Variants in NCAPD3 observed in about 807,000 individuals in gnomAD.
NCAPD3 encodes the protein condensin-2 complex subunit D3.
In NCAPD3, 105 loss-of-function variants were observed where a neutral mutation model predicts 182.9. The observed-to-expected ratio is 0.57, with a 90% CI of 0.49 to 0.68. NCAPD3 has a LOEUF of 0.68. Ranked by LOEUF, NCAPD3 falls within the 30% of genes least tolerant of loss-of-function variation. The pLI, the probability that NCAPD3 is intolerant of heterozygous loss-of-function variation, is 0.00. For synonymous variants in NCAPD3, 815 were observed against 679.9 expected (o/e 1.20, Z -3.09); for missense variants, 1,944 against 1,837.0 (o/e 1.06, Z -1.07).
At chr11:134,160,705 C>G (rs989566891) in intron 28 of NCAPD3, among the ~76,000 whole-genome samples, 14 of 152,238 alleles carry the variant, frequency 9.2e-5, no homozygotes, top group Middle Eastern at 3.4e-3. Flanking sequence ...TTCCACCTAA[C>G]AGTAATAGGG....
At chr11:134,155,848 G>A (rs767868538) in intron 32 of NCAPD3, among the ~76,000 whole-genome samples, 1 of 150,966 alleles carries the variant, frequency 6.6e-6, no homozygotes, top group Non-Finnish European at 1.5e-5. Context: ...GTCATGATTC[G>A]GTTGTCGTCT....
chr11:134,169,191 C>G (rs185086106), intron 24 of NCAPD3, 137 bp from the exon 25 acceptor site: 12 of 785,142 alleles, frequency 1.5e-5, no homozygotes, highest in Admixed American at 7.4e-5. Flanking sequence ...ATAAACAGTT[C>G]CCTCGGATCC....
rs751113688 is a variant in NCAPD3 at position 134,157,102 on chromosome 11, C to T, written c.4175-7G>A. On this transcript the variant is annotated splice_polypyrimidine_tract_variant and splice_region_variant and intron_variant, in intron 31 of 34. Transcript: ENST00000534548. The stretch of plus-strand genomic sequence containing the variant: ...TCCAAACTGTATGAAGACACTAGAA[C>T]AGAAAAGGTGCTGCTATCCAGAAAT... 3 of 1,608,806 alleles carry T rather than the reference C, an allele frequency of 1.9e-6. No individual in the cohort carries two copies. Among genetic ancestry groups the T allele is most frequent in the Admixed American group, 1.7e-5 (1 of 59,408 alleles).
At chr11:134,176,170 C>A (rs1944158756) in intron 24 of NCAPD3, 137 bp downstream of exon 24, 4 of 662,350 alleles carry the variant, frequency 6.0e-6, no homozygotes, top group Non-Finnish European at 1.0e-5. Context: ...TCTTAAAAAT[C>A]TGCTAATTTT....
intron 17 of NCAPD3, 55 bp downstream of exon 17, chr11:134,185,280 G>C: frequency 6.9e-7 from 1 of 1,452,472 alleles, no homozygotes; most frequent in East Asian, 2.4e-5. Context: ...TAAGTCTTGG[G>C]CTTTGTTTCT....
intron 16 of NCAPD3, among the ~76,000 whole-genome samples, 178 bp downstream of exon 16, chr11:134,192,511 G>A (rs192995897): frequency 2.8e-4 from 42 of 152,324 alleles, no homozygotes; most frequent in African/African-American, 9.9e-4. Context: ...AAACATACAG[G>A]CGATAAAAAT....
chr11:134,219,172 A>G (rs1938135762), intron 2 of NCAPD3, among the ~76,000 whole-genome samples: 1 of 152,040 alleles, frequency 6.6e-6, no homozygotes, highest in Non-Finnish European at 1.5e-5. Context: ...CTTCACTAGG[A>G]CTGCCTTACA....
At chr11:134,210,495 T>G (rs1937793908) in intron 3 of NCAPD3, 41 bp from the exon 4 acceptor site, 1 of 1,534,860 alleles carries the variant, frequency 6.5e-7, no homozygotes, top group Non-Finnish European at 9.0e-7. Flanking sequence ...TAGATTTAAT[T>G]GTCTTGAAAT....
intron 4 of NCAPD3, among the ~76,000 whole-genome samples, chr11:134,209,966 G>A (rs1438430878): frequency 6.6e-6 from 1 of 152,166 alleles, no homozygotes; most frequent in Non-Finnish European, 1.5e-5. Flanking sequence ...TGCAGCAGGA[G>A]AATCACTTGA....
intron 16 of NCAPD3, among the ~76,000 whole-genome samples, chr11:134,190,305 C>CT (rs1423159636): frequency 6.6e-6 from 1 of 152,196 alleles, no homozygotes; most frequent in Non-Finnish European, 1.5e-5. Flanking sequence ...ATCCTACATA[C>CT]TTTTTTATAT....
intron 27 of NCAPD3, among the ~76,000 whole-genome samples, chr11:134,163,239 AC>A (rs1943641341): frequency 6.6e-6 from 1 of 152,120 alleles, no homozygotes; most frequent in African/African-American, 2.4e-5. Flanking sequence ...TAATAAATTT[AC>A]CCATTTTAAA....
At chr11:134,159,154 T>C (rs1943509724) in intron 29 of NCAPD3, among the ~76,000 whole-genome samples, 1 of 152,234 alleles carries the variant, frequency 6.6e-6, no homozygotes, top group Non-Finnish European at 1.5e-5. Flanking sequence ...ACATCCTGAT[T>C]TCCTTTCTTT....
chr11:134,166,640 G>A (rs1264368339), intron 27 of NCAPD3, among the ~76,000 whole-genome samples: 1 of 65,648 alleles, frequency 1.5e-5, no homozygotes, highest in Non-Finnish European at 3.0e-5. Flanking sequence ...AGTGAGATGA[G>A]CTTGGGGGAG....
chr11:134,209,454 T>G lies in NCAPD3; in HGVS notation c.591A>C (p.Gln197His), dbSNP rs1319921058. The G allele has an allele frequency of 4.3e-6, 7 of 1,611,986 alleles. No homozygotes were observed. In the South Asian group the frequency reaches 7.7e-5, roughly 18 times the overall value. Reference protein sequence around the residue: ...DIEMDEIIEEQEDENICFSAR... With the variant: ...DIEMDEIIEEHEDENICFSAR... Reference sequence around the variant, plus strand: ...CAGAAAAACAAATATTCTCATCTTCTTGTTCTTCTATAATTTCATCCATCT... The same window carrying G: ...CAGAAAAACAAATATTCTCATCTTCGTGTTCTTCTATAATTTCATCCATCT... The change falls in exon 5 of 35, where the codon CAA becomes CAC. Residue 197 changes from glutamine to histidine, a missense_variant. Gln to His is a conservative substitution (Grantham distance 24). This residue lies in a region of NCAPD3 where 1,803 missense variants were observed against 1,674.6 expected (regional missense o/e 1.08). Coordinates refer to ENST00000534548, the MANE Select transcript of NCAPD3 (RefSeq NM_015261.3).
chr11:134,196,824 T>C (rs902920428), intron 13 of NCAPD3, among the ~76,000 whole-genome samples: 3 of 152,022 alleles, frequency 2.0e-5, no homozygotes, highest in Non-Finnish European at 4.4e-5. Context: ...TTTCAAAAAA[T>C]AGAAAAGAAT....
rs149441349 is a variant in NCAPD3, at chr11:134,168,299, G to T, written c.3374-104C>A. 8.5e-4 allele frequency: 1,213 copies of T among 1,423,176 alleles called. 15 individuals carry two copies. The East Asian group carries it at 0.023, about 27-fold the overall frequency. The allele number at this position is 1,423,176 out of a possible 1,614,324, so 88.2% of individuals were successfully genotyped here. A position where few individuals can be genotyped will look rare whatever the true frequency, so the allele number is the denominator to read the frequency against. On this transcript the variant is annotated intron_variant, in intron 26 of 34. Coordinates refer to ENST00000534548, the MANE Select transcript of NCAPD3 (RefSeq NM_015261.3). ...GGGGGGCCATCTGAGGCTGTCAGGGGGTCTGCAAGGGTGTTTTGTCTGGGG... is the reference window on the plus strand; with the variant it reads ...GGGGGGCCATCTGAGGCTGTCAGGGTGTCTGCAAGGGTGTTTTGTCTGGGG...
chr11:134,185,700 C>T (rs1426974894), intron 16 of NCAPD3, among the ~76,000 whole-genome samples, 174 bp from the exon 17 acceptor site: 1 of 152,070 alleles, frequency 6.6e-6, no homozygotes, highest in East Asian at 1.9e-4. Context: ...AACTAGGTAT[C>T]TTTTAAATTT....
intron 16 of NCAPD3, among the ~76,000 whole-genome samples, chr11:134,189,004 C>A (rs1157772480): frequency 6.6e-6 from 1 of 152,132 alleles, no homozygotes; most frequent in African/African-American, 2.4e-5. Flanking sequence ...TTCTGTTGTT[C>A]AAGCCACCTA....
At chr11:134,169,477 A>G (rs576973060) in intron 24 of NCAPD3, among the ~76,000 whole-genome samples, 22 of 152,356 alleles carry the variant, frequency 1.4e-4, no homozygotes, top group Non-Finnish European at 2.9e-4. Flanking sequence ...TTTGTTGCCC[A>G]CAATTATGAA....
Sources: allele counts gnomAD v4.1 joint callset (sites outside exome capture counted in the v4.1 genomes callset), GRCh38; gene constraint gnomAD v4.1.1; regional missense constraint gnomAD v4.1.1; transcripts MANE v1.5; gene names NCBI Gene and HGNC (gene_info 2026-07-23, HGNC 2026-07-21).